MAP7D1: variants seen among roughly 807,000 people sequenced by gnomAD.
The protein encoded by MAP7D1 is MAP7 domain containing 1, also known as MAP7 domain-containing protein 1.
Under a neutral mutation model 97.5 loss-of-function variants are expected in MAP7D1, and 30 were observed. That is an observed-to-expected ratio of 0.31 (90% CI 0.23 to 0.42). The LOEUF is 0.42. Among genes scored for constraint, MAP7D1 ranks in the 10% least tolerant of loss-of-function variants. The probability of loss-of-function intolerance (pLI) is 1.00; values close to 1 mark genes in which losing one functional copy is unlikely to be tolerated. For missense variants in MAP7D1, 1,184 were observed against 1,179.5 expected (o/e 1.00, Z -0.06); for synonymous variants, 536 against 477.1 (o/e 1.12, Z -1.61).
At position 36,159,410 on chromosome 1, in the gene MAP7D1, T is replaced by C. The variant is rs1445706896; in HGVS notation, c.46+2947T>C. On this transcript the variant is annotated intron_variant, in intron 1 of 16. Coordinates refer to ENST00000474796, the MANE Select transcript of MAP7D1 (RefSeq NM_001388490.1). This position sits in a 1 kb window ranked among gnomAD's most constrained non-coding sequence, Gnocchi z 5.4. ...ATTCCGTCAGAAGCCTGAGATGTGA[T>C]TGATTAGAATTGTAGGAGGTAAGTA... Among the ~76,000 whole-genome samples, 2 of 152,078 alleles carry C rather than the reference T, an allele frequency of 1.3e-5. No homozygotes were observed. The highest frequency in any genetic ancestry group is 4.8e-5 in the African/African-American group (2 of 41,388).
chr1:36,171,839 T>C (rs1644547973), intron 3 of MAP7D1: 10 of 284,364 alleles, frequency 3.5e-5, no homozygotes, highest in South Asian at 2.7e-4. Context: ...GAGACTGAGA[T>C]AGGAGAACTG....
chr1:36,178,213 G>T lies in MAP7D1; in HGVS notation c.1708+12G>T. ...GGAGACCCCTACAGGTAGGAATGAA[G>T]AGAGGGGAGGGGTGGGCCGAGCGAG... is the stretch of plus-strand genomic sequence containing the variant. On this transcript the variant is annotated intron_variant, in intron 9 of 16. Coordinates refer to ENST00000474796, the MANE Select transcript of MAP7D1 (RefSeq NM_001388490.1). The T allele has an allele frequency of 6.5e-7, 1 of 1,544,360 alleles. No individual in the cohort carries two copies. Among genetic ancestry groups the T allele is most frequent in the Non-Finnish European group, 8.7e-7 (1 of 1,144,606 alleles).
intron 6 of MAP7D1, 131 bp downstream of exon 6, chr1:36,175,139 TA>T: frequency 1.5e-6 from 1 of 649,876 alleles, no homozygotes; most frequent in Admixed American, 2.4e-5. Context: ...CACTCTACCT[TA>T]CCCAGGGCTC....
intron 1 of MAP7D1, among the ~76,000 whole-genome samples, chr1:36,165,015 G>A (rs1644457589): frequency 6.6e-6 from 1 of 152,194 alleles, no homozygotes. Flanking sequence ...TATTCTAGCA[G>A]TGGGAGACTT....
intron 1 of MAP7D1, among the ~76,000 whole-genome samples, chr1:36,156,740 C>G (rs1644336623): frequency 6.6e-6 from 1 of 152,016 alleles, no homozygotes. Flanking sequence ...TCTGCCCCAG[C>G]TTAGTGCCAT....
At position 36,171,032 on chromosome 1, in the gene MAP7D1, A is replaced by G. The variant is rs530295377; in HGVS notation, c.108A>G (p.Pro36=). The G allele has an allele frequency of 3.1e-6, 3 of 979,502 alleles. No individual in the cohort carries two copies. The highest frequency in any genetic ancestry group is 3.9e-6 in the Non-Finnish European group (3 of 768,272). 60.7% of individuals were successfully genotyped at this position (979,502 alleles called of 1,614,324 possible). A position where few individuals can be genotyped will look rare whatever the true frequency, so the allele number is the denominator to read the frequency against. The change falls in exon 2 of 17, where the codon CCA becomes CCG. Residue 36 remains proline, a synonymous_variant. Transcript: ENST00000474796. ...RPSPEGDPSP[P]PPPMSALVPD... ...CTCCAGAAGGTGACCCTTCCCCCCCACCACCACCAATGTCAGCCCTGGTCC... is the reference window on the plus strand; with the variant it reads ...CTCCAGAAGGTGACCCTTCCCCCCCGCCACCACCAATGTCAGCCCTGGTCC...
chr1:36,160,930 G>A (rs1644400292), intron 1 of MAP7D1, among the ~76,000 whole-genome samples: 1 of 152,266 alleles, frequency 6.6e-6, no homozygotes, highest in Non-Finnish European at 1.5e-5. Flanking sequence ...TCCAGGCCTT[G>A]GCCTGAGGTT....
intron 1 of MAP7D1, among the ~76,000 whole-genome samples, chr1:36,160,342 G>C (rs1644390377): frequency 6.6e-6 from 1 of 152,194 alleles, no homozygotes; most frequent in African/African-American, 2.4e-5. Flanking sequence ...ACATGGTACT[G>C]CTGCCCTTAC....
rs1034286439 is a variant in MAP7D1, at chr1:36,180,342, C to A, written c.*84C>A. On this transcript the variant is annotated 3_prime_UTR_variant, in exon 17 of 17. Transcript: ENST00000474796. ...ATGTCTGGAGGAGAAAAAGACAGAA[C>A]AAAGATGGAAGTGGCCTGGGCCCCT... 6.3e-7 allele frequency: 1 copy of A among 1,597,644 alleles called. No individual in the cohort carries two copies. The highest frequency in any genetic ancestry group is 8.6e-7 in the Non-Finnish European group (1 of 1,165,058).
At position 36,156,341 on chromosome 1, in the gene MAP7D1, G is replaced by A; in HGVS notation, c.-77G>A. On this transcript the variant is annotated 5_prime_UTR_variant, in exon 1 of 17. Transcript: ENST00000474796. ...CGGGCCGGGCCGGGCGTGATGCGCCGCGGGACCCCTGTCCTGGCCACTGGC... is the reference window on the plus strand; with the variant it reads ...CGGGCCGGGCCGGGCGTGATGCGCCACGGGACCCCTGTCCTGGCCACTGGC... 1 of 1,285,346 alleles carries A rather than the reference G, an allele frequency of 7.8e-7. No homozygotes were observed. Among genetic ancestry groups the A allele is most frequent in the East Asian group, 3.1e-5 (1 of 31,990 alleles). 79.6% of individuals were successfully genotyped at this position (1,285,346 alleles called of 1,614,324 possible).
rs140127558 is a variant in MAP7D1, at chr1:36,172,515, G to A, written c.512G>A (p.Arg171Gln). The change falls in exon 4 of 17, where the codon CGG becomes CAG. Residue 171 changes from arginine (R) to glutamine (Q), a missense_variant. Coordinates refer to ENST00000474796, the MANE Select transcript of MAP7D1 (RefSeq NM_001388490.1). The stretch of plus-strand genomic sequence containing the variant: ...AAGGAGGAGAAGGCCAAGGCGCTGC[G>A]GGAGAAGCAGCTCCAGGAGCGCCGG... The part of the protein sequence containing the change: ...LEKEEKAKAL[R>Q]EKQLQERRRR... 282 of 1,602,426 alleles carry A rather than the reference G, an allele frequency of 1.8e-4. 1 individual carries two copies. Among genetic ancestry groups the A allele is most frequent in the East Asian group, 2.7e-4 (12 of 44,568 alleles).
chr1:36,169,604 A>T (rs1359260692), intron 1 of MAP7D1, among the ~76,000 whole-genome samples: 1 of 152,048 alleles, frequency 6.6e-6, no homozygotes, highest in African/African-American at 2.4e-5. Context: ...CTTCCCACAG[A>T]TGCCGGCCCT....
rs1644537926 is a variant in MAP7D1, at chr1:36,171,172, A to C, written c.248A>C (p.Gln83Pro). 6.8e-6 allele frequency: 11 copies of C among 1,613,810 alleles called. No individual in the cohort carries two copies. The highest frequency in any genetic ancestry group is 8.5e-6 in the Non-Finnish European group (10 of 1,179,916). The change falls in exon 2 of 17, where the codon CAG (glutamine) becomes CCG (proline). Residue 83 changes from glutamine (Q) to proline (P), a missense_variant. Transcript: ENST00000474796. ...GQVGPRPAPP[Q>P]EESPSSEAKS... ...GTCGGGCCTAGGCCAGCCCCCCCGC[A>C]GGAAGAGTCCCCTTCCTCTGAAGCA...
At chr1:36,161,885 G>GTGTGTA in intron 1 of MAP7D1, among the ~76,000 whole-genome samples, 1 of 138,616 alleles carries the variant, frequency 7.2e-6, no homozygotes, top group African/African-American at 2.9e-5. Context: ...GTATGTGTGT[G>GTGTGTA]TGTGTGTGTG....
Position 36,156,397 on chromosome 1 carries a change from AC to A in MAP7D1, c.-16del, listed in dbSNP as rs1205445689. ...CCGCCGCCGCCGCTGAGACCCCGAG[AC>A]CCCCAGTGACGCCGCAGCCATGGAG... On this transcript the variant is annotated 5_prime_UTR_variant, in exon 1 of 17. Coordinates refer to ENST00000474796, the MANE Select transcript of MAP7D1 (RefSeq NM_001388490.1). 3 of 1,484,726 alleles carry A rather than the reference AC, an allele frequency of 2.0e-6. No individual in the cohort carries two copies. The highest frequency in any genetic ancestry group is 2.3e-5 in the Admixed American group (1 of 44,190). 92.0% of individuals were successfully genotyped at this position (1,484,726 alleles called of 1,614,324 possible). A position where few individuals can be genotyped will look rare whatever the true frequency, so the allele number is the denominator to read the frequency against.
chr1:36,156,625 C>T (rs1476062817), intron 1 of MAP7D1, among the ~76,000 whole-genome samples, 162 bp downstream of exon 1: 1 of 152,046 alleles, frequency 6.6e-6, no homozygotes, highest in Non-Finnish European at 1.5e-5. Context: ...GCTCCAGGCT[C>T]GCGATGCATC....
At position 36,179,141 on chromosome 1, in the gene MAP7D1, T is replaced by G. The variant is rs1644678483; in HGVS notation, c.2130+116T>G. 1.1e-5 allele frequency: 17 copies of G among 1,482,712 alleles called. No homozygotes were observed. In the South Asian group the frequency reaches 2.0e-4, roughly 18 times the overall value. The allele number at this position is 1,482,712 out of a possible 1,614,324, so 91.8% of individuals were successfully genotyped here. A position where few individuals can be genotyped will look rare whatever the true frequency, so the allele number is the denominator to read the frequency against. ...AAGCGCTGGGGCAAATTCCAGTTCCTGTCCTGGAGAGGGCTGCTATGAGCT... is the reference window on the plus strand; with the variant it reads ...AAGCGCTGGGGCAAATTCCAGTTCCGGTCCTGGAGAGGGCTGCTATGAGCT... On this transcript the variant is annotated intron_variant, in intron 12 of 16. Transcript: ENST00000474796.
In MAP7D1 at chr1:36,156,292, C is replaced by A. The variant is rs1218747027; in HGVS notation, c.-126C>A. 2.8e-6 allele frequency: 2 copies of A among 726,548 alleles called. No homozygotes were observed. Among genetic ancestry groups the A allele is most frequent in the African/African-American group, 1.9e-5 (1 of 53,234 alleles). 45.0% of individuals were successfully genotyped at this position (726,548 alleles called of 1,614,324 possible). A position where few individuals can be genotyped will look rare whatever the true frequency, so the allele number is the denominator to read the frequency against. On this transcript the variant is annotated 5_prime_UTR_variant, in exon 1 of 17. Coordinates refer to ENST00000474796, the MANE Select transcript of MAP7D1 (RefSeq NM_001388490.1). ...CTCGACCTTCCCCGGAGCGCCCCCG[C>A]CTCCGAGTCGCTACTTGCCGGGCCG...
chr1:36,172,168 ATCTG>A (rs1450608213), intron 3 of MAP7D1: 3 of 253,370 alleles, frequency 1.2e-5, no homozygotes, highest in Admixed American at 5.0e-5. Context: ...GTATGTGGAC[ATCTG>A]TCTGGTAGGC....
Sources: gnomAD v4.1 joint callset for allele counts (sites outside exome capture counted in the v4.1 genomes callset) on GRCh38, gnomAD v4.1.1 for gene constraint, Gnocchi (gnomAD v3.1) non-coding constraint, MANE v1.5 for transcripts, NCBI Gene and HGNC (gene_info 2026-07-23, HGNC 2026-07-21) for gene names.